PIK3CG: variants seen among roughly 807,000 people sequenced by gnomAD.
PIK3CG encodes the protein phosphatidylinositol-4,5-bisphosphate 3-kinase catalytic subunit gamma.
PIK3CG carries 55 observed loss-of-function variants against 102.3 expected under a neutral mutation model. The ratio of observed to expected loss-of-function variants is 0.54; its 90% CI spans 0.43 to 0.67. The LOEUF (loss-of-function observed/expected upper bound fraction) is 0.67. Ranked by LOEUF, PIK3CG falls within the 30% of genes least tolerant of loss-of-function variation. The pLI is 0.00. For synonymous variants in PIK3CG, 552 were observed against 540.0 expected, an observed-to-expected ratio of 1.02 and a Z score of -0.31; for missense variants, 1,258 against 1,391.8, an observed-to-expected ratio of 0.90 and a Z score of 1.53.
chr7:106,879,476 GT>G lies in PIK3CG; in HGVS notation c.2392-41del. 6.6e-7 allele frequency: 1 copy of G among 1,521,418 alleles called. No homozygotes were observed. Among genetic ancestry groups the G allele is most frequent in the Non-Finnish European group, 9.1e-7 (1 of 1,096,618 alleles). The allele number at this position is 1,521,418 out of a possible 1,614,324, so 94.2% of individuals were successfully genotyped here. ...ATTTGTGTCTCCACCATGTATATTC[GT>G]TATTCATTGTGTGTGGGGAATATGT... is the stretch of plus-strand genomic sequence containing the variant. On this transcript the variant is annotated intron_variant, in intron 5 of 10. Coordinates refer to ENST00000496166, the MANE Select transcript of PIK3CG (RefSeq NM_001282426.2). The surrounding 1 kb of genome is among the most constrained non-coding windows in gnomAD (Gnocchi z 4.9).
In PIK3CG at chr7:106,874,643, A is replaced by T. The variant is rs1301798412; in HGVS notation, c.2288-57A>T. On this transcript the variant is annotated intron_variant, in intron 4 of 10. Transcript: ENST00000496166. The surrounding 1 kb of genome is among the most constrained non-coding windows in gnomAD (Gnocchi z 4.3). ...AATGTGTTCTCAGGAAATGTAATAG[A>T]TAATATTGATGATTTCTGGAACTCA... 1.9e-6 allele frequency: 2 copies of T among 1,071,350 alleles called. No homozygotes were observed. Among genetic ancestry groups the T allele is most frequent in the Non-Finnish European group, 2.9e-6 (2 of 690,994 alleles). 66.4% of individuals were successfully genotyped at this position (1,071,350 alleles called of 1,614,324 possible). A position where few individuals can be genotyped will look rare whatever the true frequency, so the allele number is the denominator to read the frequency against.
At chr7:106,866,505 A>G (rs1255918400) in intron 1 of PIK3CG, among the ~76,000 whole-genome samples, 3 of 152,238 alleles carry the variant, frequency 2.0e-5, no homozygotes, top group Admixed American at 2.0e-4. Flanking sequence ...AAAATATTAG[A>G]GCAAAAAAGA....
intron 9 of PIK3CG, 23 bp from the exon 10 acceptor site, chr7:106,886,112 G>T: frequency 1.2e-6 from 2 of 1,609,636 alleles, no homozygotes; most frequent in Non-Finnish European, 1.7e-6. Flanking sequence ...CTGTAATGAT[G>T]TCAGATACTT....
intron 5 of PIK3CG, among the ~76,000 whole-genome samples, chr7:106,876,017 C>T (rs1187808219): frequency 5.3e-5 from 8 of 150,290 alleles, no homozygotes; most frequent in Non-Finnish European, 1.2e-4. Flanking sequence ...CGGGTTCACG[C>T]CATTCTCCTG....
At position 106,897,506 on chromosome 7, in the gene PIK3CG, T is replaced by C. The variant is rs1229207354; in HGVS notation, c.3031-7603T>C. Among the ~76,000 whole-genome samples the C allele has an allele frequency of 6.6e-6, 1 of 152,318 alleles. No individual in the cohort carries two copies. On this transcript the variant is annotated intron_variant, in intron 10 of 10. Coordinates refer to ENST00000496166, the MANE Select transcript of PIK3CG (RefSeq NM_001282426.2). The surrounding 1 kb of genome is among the most constrained non-coding windows in gnomAD (Gnocchi z 4.6). ...CATTAAGCCCAGTACCCAATAGTTA[T>C]CTTTTTTGCTCCTCTCCCTCCTCTC...
intron 10 of PIK3CG, among the ~76,000 whole-genome samples, chr7:106,904,314 A>G (rs1301696294): frequency 6.6e-6 from 1 of 152,192 alleles, no homozygotes; most frequent in Admixed American, 6.5e-5. Context: ...AAATATATAT[A>G]TAATCACTAA....
In PIK3CG at chr7:106,886,184, T is replaced by C; in HGVS notation, c.2922T>C (p.Ser974=). The C allele has an allele frequency of 6.2e-7, 1 of 1,614,120 alleles. No homozygotes were observed. ...DFGHILGNYK[S]FLGINKERVP... ...GGCACATTCTTGGGAATTACAAAAG[T>C]TTCCTGGGCATTAATAAAGAGAGAG... The change falls in exon 10 of 11, where the codon AGT becomes AGC. Residue 974 remains serine (S), a synonymous_variant. Coordinates refer to ENST00000496166, the MANE Select transcript of PIK3CG (RefSeq NM_001282426.2).
Position 106,867,911 on chromosome 7 carries a change from A to C in PIK3CG, c.350A>C (p.Gln117Pro), listed in dbSNP as rs1790361392. ...ATCTACGACAAGTACCAGGTGGTGC[A>C]GACTCTGGACTGCCTGCGCTACTGG... is the stretch of plus-strand genomic sequence containing the variant. The part of the protein sequence containing the change: ...YEIYDKYQVV[Q>P]TLDCLRYWKA... The change falls in exon 2 of 11, where the codon CAG becomes CCG. Residue 117 changes from glutamine to proline, a missense_variant. This residue lies in a region of PIK3CG where 832 missense variants were observed against 787.5 expected (regional missense o/e 1.06). Coordinates refer to ENST00000496166, the MANE Select transcript of PIK3CG (RefSeq NM_001282426.2). This position sits in a 1 kb window ranked among gnomAD's most constrained non-coding sequence, Gnocchi z 5.1. The C allele has an allele frequency of 1.2e-6, 2 of 1,613,306 alleles. No homozygotes were observed. The highest frequency in any genetic ancestry group is 1.7e-6 in the Non-Finnish European group (2 of 1,179,970).
chr7:106,876,075 C>T (rs1273376846), intron 5 of PIK3CG, among the ~76,000 whole-genome samples: 16 of 150,450 alleles, frequency 1.1e-4, no homozygotes, highest in African/African-American at 2.4e-4. Flanking sequence ...CCACCGCGCC[C>T]GGCTAATTTT....
In PIK3CG at chr7:106,868,643, TC is replaced by T; in HGVS notation, c.1083del (p.Phe361LeufsTer23). 6.2e-7 allele frequency: 1 copy of T among 1,614,150 alleles called. No homozygotes were observed. The highest frequency in any genetic ancestry group is 2.2e-5 in the East Asian group (1 of 44,878). ...TCCCTGTGGGACTGCGACCGCAAGT[TC>T]AGGGTCAAGATCAGAGGCATTGATA... Reference protein sequence around the residue: ...TVSLWDCDRKFRVKIRGIDIP... With the variant: ...TVSLWDCDRKXRVKIRGIDIP... On this transcript the variant is annotated frameshift_variant, in exon 2 of 11. Transcript: ENST00000496166. LOFTEE classifies it high-confidence loss of function. This position sits in a 1 kb window ranked among gnomAD's most constrained non-coding sequence, Gnocchi z 6.2.
At position 106,891,338 on chromosome 7, in the gene PIK3CG, C is replaced by T. The variant is rs1345783833; in HGVS notation, c.3030+5046C>T. Among the ~76,000 whole-genome samples, 2 of 152,164 alleles carry T rather than the reference C, an allele frequency of 1.3e-5. No homozygotes were observed. The highest frequency in any genetic ancestry group is 6.5e-5 in the Admixed American group (1 of 15,280). On this transcript the variant is annotated intron_variant, in intron 10 of 10. Coordinates refer to ENST00000496166, the MANE Select transcript of PIK3CG (RefSeq NM_001282426.2). The surrounding 1 kb of genome is among the most constrained non-coding windows in gnomAD (Gnocchi z 4.4). ...AGCCTTCAGGAGGCAGGTTAACATGCGTACATTGGATGAGGAACTAAATCC... is the reference window on the plus strand; with the variant it reads ...AGCCTTCAGGAGGCAGGTTAACATGTGTACATTGGATGAGGAACTAAATCC...
Position 106,867,612 on chromosome 7 carries a change from C to T in PIK3CG, c.51C>T (p.Cys17=), listed in dbSNP as rs3729673. The T allele has an allele frequency of 0.038, 61,252 of 1,608,642 alleles. 1,372 individuals carry two copies. The highest frequency in any genetic ancestry group is 0.046 in the Non-Finnish European group (53,951 of 1,177,714). Residue 17 remains cysteine (C), a synonymous_variant, in exon 2 of 11, where the codon TGC becomes TGT. Coordinates refer to ENST00000496166, the MANE Select transcript of PIK3CG (RefSeq NM_001282426.2). The surrounding 1 kb of genome is among the most constrained non-coding windows in gnomAD (Gnocchi z 5.1). ...CCGTGGTGCTGAGAGAGGACAACTG[C>T]CGAAGGCGCCGGAGGATGAAGCCGC... is the stretch of plus-strand genomic sequence containing the variant. ...KQPVVLREDN[C]RRRRRMKPRS... is the part of the protein sequence containing the mutation.
In PIK3CG at chr7:106,893,917, A is replaced by C. The variant is rs1355483166; in HGVS notation, c.3030+7625A>C. Among the ~76,000 whole-genome samples, 2 of 152,200 alleles carry C rather than the reference A, an allele frequency of 1.3e-5. No individual in the cohort carries two copies. The highest frequency in any genetic ancestry group is 2.9e-5 in the Non-Finnish European group (2 of 68,022). On this transcript the variant is annotated intron_variant, in intron 10 of 10. Transcript: ENST00000496166. This position sits in a 1 kb window ranked among gnomAD's most constrained non-coding sequence, Gnocchi z 4.4. ...TCCAAACCTGTACAGCATGTTACTT[A>C]CTGAATACTGTAGGCAGTTGTGACA... is the stretch of plus-strand genomic sequence containing the variant.
At position 106,893,077 on chromosome 7, in the gene PIK3CG, T is replaced by G. The variant is rs1791306286; in HGVS notation, c.3030+6785T>G. On this transcript the variant is annotated intron_variant, in intron 10 of 10. Transcript: ENST00000496166. The surrounding 1 kb of genome is among the most constrained non-coding windows in gnomAD (Gnocchi z 4.4). ...GCAAAGCAAAGAAGTCATTTGGAGC[T>G]CATTCGATTAATCACAAATAACCAT... Among the ~76,000 whole-genome samples the G allele has an allele frequency of 6.6e-6, 1 of 152,048 alleles. No homozygotes were observed. Among genetic ancestry groups the G allele is most frequent in the African/African-American group, 2.4e-5 (1 of 41,398 alleles).
chr7:106,889,629 T>G (rs894856393), intron 10 of PIK3CG, among the ~76,000 whole-genome samples: 1 of 152,238 alleles, frequency 6.6e-6, no homozygotes, highest in African/African-American at 2.4e-5. Context: ...TTGAATAACC[T>G]GTTAGGAACA....
At position 106,880,742 on chromosome 7, in the gene PIK3CG, G is replaced by A. The variant is rs976405270; in HGVS notation, c.2538+1077G>A. Reference sequence around the variant, plus strand: ...CGCCCAGGTTGGAATACAGTGGCACGATCACAGCCCACTGCAGCCTCAAAC... The same window carrying A: ...CGCCCAGGTTGGAATACAGTGGCACAATCACAGCCCACTGCAGCCTCAAAC... On this transcript the variant is annotated intron_variant, in intron 6 of 10. Transcript: ENST00000496166. This position sits in a 1 kb window ranked among gnomAD's most constrained non-coding sequence, Gnocchi z 4.2. Among the ~76,000 whole-genome samples the A allele has an allele frequency of 2.3e-4, 35 of 151,878 alleles. No individual in the cohort carries two copies. Among genetic ancestry groups the A allele is most frequent in the African/African-American group, 8.2e-4 (34 of 41,338 alleles).
rs916710599 is a variant in PIK3CG, at chr7:106,867,801, G to A, written c.240G>A (p.Glu80=). 13 of 1,612,590 alleles carry A rather than the reference G, an allele frequency of 8.1e-6. No homozygotes were observed. Among genetic ancestry groups the A allele is most frequent in the African/African-American group, 2.7e-5 (2 of 75,074 alleles). ...MKAQVWLRAL[E]TSVAADFYHR... Reference sequence around the variant, plus strand: ...CCCAGGTGTGGCTGCGAGCGCTGGAGACCAGCGTGGCGGCGGACTTCTACC... The same window carrying A: ...CCCAGGTGTGGCTGCGAGCGCTGGAAACCAGCGTGGCGGCGGACTTCTACC... Residue 80 remains glutamate, a synonymous_variant, in exon 2 of 11, where the codon GAG becomes GAA. Transcript: ENST00000496166. This position sits in a 1 kb window ranked among gnomAD's most constrained non-coding sequence, Gnocchi z 5.1.
rs1301290550 is a variant in PIK3CG at position 106,906,999 on chromosome 7, T to G, written c.*1612T>G. 4.7e-6 allele frequency: 1 copy of G among 214,172 alleles called. No homozygotes were observed. Among genetic ancestry groups the G allele is most frequent in the Non-Finnish European group, 9.4e-6 (1 of 106,124 alleles). The allele number at this position is 214,172 out of a possible 1,614,324, so 13.3% of individuals were successfully genotyped here. A position where few individuals can be genotyped will look rare whatever the true frequency, so the allele number is the denominator to read the frequency against. The stretch of plus-strand genomic sequence containing the variant: ...AGCTGGGTATAGTGGTATGTGCCTG[T>G]AGTCCCAGGTACTCAGGAGGCTGAG... On this transcript the variant is annotated 3_prime_UTR_variant, in exon 11 of 11. Transcript: ENST00000496166.
Position 106,879,434 on chromosome 7 carries a change from T to C in PIK3CG, c.2392-85T>C. The stretch of plus-strand genomic sequence containing the variant: ...AGGACTTTGTCCTTGTTGTTTATAG[T>C]GATGTTTTGCAAGAGAATTTGTGTC... On this transcript the variant is annotated intron_variant, in intron 5 of 10. Coordinates refer to ENST00000496166, the MANE Select transcript of PIK3CG (RefSeq NM_001282426.2). The surrounding 1 kb of genome is among the most constrained non-coding windows in gnomAD (Gnocchi z 4.9). 9.5e-7 allele frequency: 1 copy of C among 1,055,660 alleles called. No homozygotes were observed. Among genetic ancestry groups the C allele is most frequent in the Non-Finnish European group, 1.5e-6 (1 of 681,804 alleles). 65.4% of individuals were successfully genotyped at this position (1,055,660 alleles called of 1,614,324 possible). A position where few individuals can be genotyped will look rare whatever the true frequency, so the allele number is the denominator to read the frequency against.
Sources: allele counts gnomAD v4.1 joint callset (sites outside exome capture counted in the v4.1 genomes callset), GRCh38; gene constraint gnomAD v4.1.1; regional missense constraint gnomAD v4.1.1; non-coding constraint Gnocchi (gnomAD v3.1); transcripts MANE v1.5; gene names NCBI Gene and HGNC (gene_info 2026-07-23, HGNC 2026-07-21).